TBC1D13: variants seen among roughly 807,000 people sequenced by gnomAD.
TBC1D13 encodes the protein TBC1 domain family member 13.
Under a neutral mutation model 53.6 loss-of-function variants are expected in TBC1D13, and 40 were observed. The observed-to-expected ratio is 0.75, with a 90% confidence interval of 0.58 to 0.97. The LOEUF is 0.97. Among genes scored for constraint, TBC1D13 ranks in the 50% least tolerant of loss-of-function variants. The pLI is 0.00. For synonymous variants in TBC1D13, 182 were observed against 197.7 expected, an observed-to-expected ratio of 0.92 and a Z score of 0.67; for missense variants, 377 against 499.4, an observed-to-expected ratio of 0.75 and a Z score of 2.34.
chr9:128,803,295 T>C lies in TBC1D13; in HGVS notation c.589T>C (p.Tyr197His). The change falls in exon 8 of 12, where the codon TAT becomes CAT. Residue 197 changes from tyrosine to histidine, a missense_variant. Transcript: ENST00000372648. ...KNSVPSSLNE[Y>H]EVLPNGCEAH... ...CTCTGTGCCATCATCCCTAAATGAG[T>C]ATGAGGTGCTGCCCAATGGCTGTGA... 6.2e-7 allele frequency: 1 copy of C among 1,614,078 alleles called. No homozygotes were observed. Among genetic ancestry groups the C allele is most frequent in the Non-Finnish European group, 8.5e-7 (1 of 1,180,018 alleles).
chr9:128,790,688 T>C, intron 2 of TBC1D13, 47 bp from the exon 3 acceptor site: 1 of 1,524,096 alleles, frequency 6.6e-7, no homozygotes, highest in African/African-American at 1.5e-5. Flanking sequence ...GGCTGGGGGT[T>C]CTGGGACTCT....
chr9:128,803,127 C>T lies in TBC1D13; in HGVS notation c.544-123C>T. Reference sequence around the variant, plus strand: ...GGAATGCAATGGTGTAATCACGGCTCACTGCAGCCTCGACCACTGGGGCTC... The same window carrying T: ...GGAATGCAATGGTGTAATCACGGCTTACTGCAGCCTCGACCACTGGGGCTC... On this transcript the variant is annotated intron_variant, in intron 7 of 11. Transcript: ENST00000372648. The T allele has an allele frequency of 3.8e-6, 3 of 794,870 alleles. No homozygotes were observed. In the South Asian group the frequency reaches 4.8e-5, roughly 13 times the overall value. The allele number at this position is 794,870 out of a possible 1,614,324, so 49.2% of individuals were successfully genotyped here.
chr9:128,793,374 C>T (rs758076365), intron 6 of TBC1D13, among the ~76,000 whole-genome samples: 13 of 152,204 alleles, frequency 8.5e-5, no homozygotes, highest in Non-Finnish European at 1.8e-4. Context: ...GCGGCCCTGT[C>T]GGGCTGGGGA....
intron 6 of TBC1D13, among the ~76,000 whole-genome samples, chr9:128,793,877 G>A (rs920361225): frequency 2.0e-5 from 3 of 152,246 alleles, no homozygotes; most frequent in African/African-American, 4.8e-5. Flanking sequence ...GAATGGCCGA[G>A]TGCCGGTGTC....
rs1829454843 is a variant in TBC1D13 at position 128,787,701 on chromosome 9, TCCAAGTGC to T, written c.23+326_23+333del. On this transcript the variant is annotated intron_variant, in intron 1 of 11. Coordinates refer to ENST00000372648, the MANE Select transcript of TBC1D13 (RefSeq NM_018201.5). ...TTGATCCCCCTGCTCCCGTACTCTC[TCCAAGTGC>T]ACCCTGTCCCCCGTGCCTTTTTCTT... Among the ~76,000 whole-genome samples, 6 of 133,590 alleles carry T rather than the reference TCCAAGTGC, an allele frequency of 4.5e-5. No homozygotes were observed. The Admixed American group carries it at 5.1e-4, about 11-fold the overall frequency. 87.6% of individuals were successfully genotyped at this position (133,590 alleles called of 152,430 possible). A position where few individuals can be genotyped will look rare whatever the true frequency, so the allele number is the denominator to read the frequency against.
intron 2 of TBC1D13, among the ~76,000 whole-genome samples, chr9:128,789,460 G>A (rs1043071787): frequency 1.9e-4 from 29 of 152,180 alleles, no homozygotes; most frequent in African/African-American, 5.5e-4. Flanking sequence ...TCTTATTGCA[G>A]GATAACTTTG....
intron 6 of TBC1D13, among the ~76,000 whole-genome samples, chr9:128,793,634 A>C (rs545338930): frequency 6.6e-6 from 1 of 152,248 alleles, no homozygotes; most frequent in African/African-American, 2.4e-5. Flanking sequence ...CGTGGGACTT[A>C]GCACTTACAG....
At chr9:128,804,322 A>T (rs949425037) in intron 9 of TBC1D13, among the ~76,000 whole-genome samples, 2 of 152,096 alleles carry the variant, frequency 1.3e-5, no homozygotes, top group Non-Finnish European at 2.9e-5. Flanking sequence ...AATGGTGCCC[A>T]TTGTGTGCCA....
chr9:128,789,368 AT>A (rs1829488349), intron 2 of TBC1D13, among the ~76,000 whole-genome samples: 1 of 150,348 alleles, frequency 6.7e-6, no homozygotes, highest in Non-Finnish European at 1.5e-5. Flanking sequence ...TCATCCTCAT[AT>A]AGATTCTGAA....
At position 128,797,094 on chromosome 9, in the gene TBC1D13, T is replaced by C. The variant is rs192416782; in HGVS notation, c.423T>C (p.Thr141=). The change falls in exon 7 of 12, where the codon ACT becomes ACC. Residue 141 remains threonine (T), a synonymous_variant. Transcript: ENST00000372648. ...ACATTTCCTTCTTCCAGAGGGCCACTGACTACCCTTGCCTCCTCATCCTGG... is the reference window on the plus strand; with the variant it reads ...ACATTTCCTTCTTCCAGAGGGCCACCGACTACCCTTGCCTCCTCATCCTGG... ...CPDISFFQRA[T]DYPCLLILDP... is the part of the protein sequence containing the mutation. 6.2e-7 allele frequency: 1 copy of C among 1,614,072 alleles called. No homozygotes were observed.
chr9:128,806,096 G>A (rs572206576), intron 10 of TBC1D13, 77 bp downstream of exon 10: 19 of 1,585,284 alleles, frequency 1.2e-5, no homozygotes, highest in Middle Eastern at 1.7e-4. Flanking sequence ...CCTCCGCCCC[G>A]AAGGGTGGGC....
Position 128,808,120 on chromosome 9 carries a change from G to A in TBC1D13, c.*241G>A. 1 of 513,462 alleles carries A rather than the reference G, an allele frequency of 1.9e-6. No homozygotes were observed. The highest frequency in any genetic ancestry group is 3.5e-6 in the Non-Finnish European group (1 of 281,990). The allele number at this position is 513,462 out of a possible 1,614,324, so 31.8% of individuals were successfully genotyped here. ...GATACTGAGGAGGGCTGGAGCTCGG[G>A]AAGTTGTCCTTCCTGGGCCAGGGCC... is the stretch of plus-strand genomic sequence containing the variant. On this transcript the variant is annotated 3_prime_UTR_variant, in exon 12 of 12. Coordinates refer to ENST00000372648, the MANE Select transcript of TBC1D13 (RefSeq NM_018201.5).
chr9:128,801,077 G>A (rs1829724239), intron 7 of TBC1D13, among the ~76,000 whole-genome samples: 1 of 152,162 alleles, frequency 6.6e-6, no homozygotes, highest in Non-Finnish European at 1.5e-5. Context: ...GGAGGCTGAG[G>A]TGGGAGAATA....
Position 128,805,967 on chromosome 9 carries a change from G to A in TBC1D13, c.1027G>A (p.Ala343Thr), listed in dbSNP as rs2132554618. 2 of 1,614,186 alleles carry A rather than the reference G, an allele frequency of 1.2e-6. No homozygotes were observed. The highest frequency in any genetic ancestry group is 3.3e-4 in the Middle Eastern group (2 of 6,062). ...DVIRIWDSLF[A>T]DDNRFDFLLL... ...CATCCGCATCTGGGACTCCCTCTTC[G>A]CCGATGACAACCGCTTTGACTTCCT... Residue 343 changes from alanine to threonine, a missense_variant, in exon 10 of 12, where the codon GCC becomes ACC. Transcript: ENST00000372648.
In TBC1D13 at chr9:128,791,363, C is replaced by T; in HGVS notation, c.139-17C>T. ...GCAGGAGGGTCACCAGAGCTTTGCC[C>T]TTCTCCCTCTGTGCAGATTCTCTTG... On this transcript the variant is annotated splice_polypyrimidine_tract_variant and intron_variant, in intron 3 of 11. Coordinates refer to ENST00000372648, the MANE Select transcript of TBC1D13 (RefSeq NM_018201.5). 6.2e-7 allele frequency: 1 copy of T among 1,613,870 alleles called. No homozygotes were observed. The highest frequency in any genetic ancestry group is 8.5e-7 in the Non-Finnish European group (1 of 1,179,736).
At chr9:128,791,535 T>C in intron 4 of TBC1D13, 59 bp from the exon 5 acceptor site, 1 of 1,610,776 alleles carries the variant, frequency 6.2e-7, no homozygotes, top group Non-Finnish European at 8.5e-7. Context: ...GCTGCTGCTC[T>C]GCTCTGGGCT....
intron 6 of TBC1D13, among the ~76,000 whole-genome samples, chr9:128,793,116 TG>T (rs1414594473): frequency 1.3e-5 from 2 of 152,180 alleles, no homozygotes; most frequent in African/African-American, 4.8e-5. Context: ...GCAAAGGCCA[TG>T]TTGGGCAGGG....
intron 11 of TBC1D13, 112 bp from the exon 12 acceptor site, chr9:128,807,702 C>T: frequency 9.0e-7 from 1 of 1,115,214 alleles, no homozygotes; most frequent in Admixed American, 1.7e-5. Flanking sequence ...TTCTGTGCTC[C>T]TGCCCCTGAG....
At position 128,810,155 on chromosome 9, in the gene TBC1D13, C is replaced by T. The variant is rs55756367; in HGVS notation, c.*2276C>T. On this transcript the variant is annotated 3_prime_UTR_variant, in exon 12 of 12. Coordinates refer to ENST00000372648, the MANE Select transcript of TBC1D13 (RefSeq NM_018201.5). ...TTAGGCTGAGCTCCCAGCAGGACAC[C>T]GCCTGCAGAAAGGACCTGCCCTGAT... The T allele has an allele frequency of 0.01, 1,596 of 152,246 alleles. 10 individuals carry two copies. The highest frequency in any genetic ancestry group is 0.016 in the Non-Finnish European group (1,071 of 68,046). The allele number at this position is 152,246 out of a possible 1,614,324, so 9.4% of individuals were successfully genotyped here.
Sources: gnomAD v4.1 joint callset for allele counts (sites outside exome capture counted in the v4.1 genomes callset) on GRCh38, gnomAD v4.1.1 for gene constraint, MANE v1.5 for transcripts, NCBI Gene and HGNC (gene_info 2026-07-23, HGNC 2026-07-21) for gene names.